Variants in CAST observed in about 807,000 individuals in gnomAD.
CAST encodes MIR583 host.
Under a neutral mutation model 119.6 loss-of-function variants are expected in CAST, and 76 were observed. The observed-to-expected ratio is 0.64, with a 90% CI of 0.53 to 0.77. The LOEUF (loss-of-function observed/expected upper bound fraction) is 0.77, where lower values mean the gene tolerates loss of function less well. CAST is among the 30% of genes least tolerant of loss of function. The pLI, the probability that CAST is intolerant of heterozygous loss-of-function variation, is 0.00. For synonymous variants in CAST, 319 were observed against 331.6 expected (o/e 0.96, Z 0.41); for missense variants, 953 against 946.5 (o/e 1.01, Z -0.09).
chr5:96,128,179 G>A, the CAST span, among the ~76,000 whole-genome samples: 6 of 152,098 alleles, frequency 3.9e-5, no homozygotes, highest in East Asian at 5.8e-4. Context: ...TGTTCCCTTC[G>A]TGTAATTAGA....
intron 1 of CAST, among the ~76,000 whole-genome samples, chr5:96,549,995 G>A (rs1473922297): frequency 1.3e-5 from 2 of 152,202 alleles, no homozygotes; most frequent in African/African-American, 4.8e-5. Flanking sequence ...TGAACAAAAG[G>A]CAGCAGACAA....
intron 2 of CAST, chr5:96,675,827 T>A: frequency 2.4e-6 from 1 of 423,850 alleles, no homozygotes; most frequent in South Asian, 5.4e-5. Flanking sequence ...CCTTTAGTAA[T>A]AGAACTTTGT....
chr5:96,640,841 G>A (rs923364134), intron 1 of CAST, among the ~76,000 whole-genome samples: 1 of 152,202 alleles, frequency 6.6e-6, no homozygotes, highest in African/African-American at 2.4e-5. Context: ...AATCCCCAAA[G>A]GGGGCAGACC....
At chr5:96,740,630 G>T in intron 12 of CAST, 115 bp from the exon 13 acceptor site, 1 of 747,518 alleles carries the variant, frequency 1.3e-6, no homozygotes, top group South Asian at 1.6e-5. Context: ...GTTAAGACTT[G>T]AACATATAGA....
At chr5:96,186,269 G>C in the CAST span, among the ~76,000 whole-genome samples, 8 of 152,116 alleles carry the variant, frequency 5.3e-5, no homozygotes, top group Admixed American at 5.2e-4. Context: ...GGGTTTTCTA[G>C]ATATAGGATC....
At chr5:96,274,356 C>G in the CAST span, among the ~76,000 whole-genome samples, 1 of 151,910 alleles carries the variant, frequency 6.6e-6, no homozygotes, top group African/African-American at 2.4e-5. Context: ...CCCACCCCGG[C>G]CTCCCAAAGT....
chr5:95,983,338 A>G, the CAST span, among the ~76,000 whole-genome samples: 3 of 152,206 alleles, frequency 2.0e-5, no homozygotes, highest in Non-Finnish European at 2.9e-5. Context: ...ACACTTACCT[A>G]TGCATATATT....
chr5:96,366,416 A>G, the CAST span, among the ~76,000 whole-genome samples: 1 of 152,210 alleles, frequency 6.6e-6, no homozygotes, highest in East Asian at 1.9e-4. Flanking sequence ...AATATCCTGC[A>G]GAGTGTTTTC....
intron 6 of CAST, 42 bp downstream of exon 6, chr5:96,727,572 T>G: frequency 7.8e-7 from 1 of 1,284,194 alleles, no homozygotes; most frequent in Non-Finnish European, 1.1e-6. Flanking sequence ...TGGATTCTTT[T>G]TAATAATAAT....
At chr5:96,560,920 C>T (rs890833318) in intron 1 of CAST, among the ~76,000 whole-genome samples, 3 of 152,174 alleles carry the variant, frequency 2.0e-5, no homozygotes, top group Non-Finnish European at 4.4e-5. Flanking sequence ...TATTGTGGCA[C>T]TATTCACTAC....
chr5:96,606,365 T>G (rs1368849909), intron 1 of CAST, among the ~76,000 whole-genome samples: 3 of 152,212 alleles, frequency 2.0e-5, no homozygotes, highest in Non-Finnish European at 4.4e-5. Flanking sequence ...TGTCAGATTT[T>G]TATCTGTATA....
At chr5:96,092,515 C>T in the CAST span, among the ~76,000 whole-genome samples, 3 of 152,270 alleles carry the variant, frequency 2.0e-5, no homozygotes, top group East Asian at 5.8e-4. Flanking sequence ...GTAGCTTCAT[C>T]GTGTAGCTTC....
chr5:96,534,729 GA>G, intron 1 of CAST, among the ~76,000 whole-genome samples: 1 of 8,876 alleles, frequency 1.1e-4, no homozygotes, highest in Non-Finnish European at 2.8e-4. Context: ...GAGAGAGAGA[GA>G]GAGAGAGAGA....
At chr5:96,262,319 T>G in the CAST span, among the ~76,000 whole-genome samples, 3 of 152,164 alleles carry the variant, frequency 2.0e-5, no homozygotes, top group Admixed American at 6.5e-5. Context: ...CTGAAGCCAC[T>G]GCACCGAGGA....
At chr5:96,065,401 C>CTGTG in the CAST span, among the ~76,000 whole-genome samples, 325 of 149,276 alleles carry the variant, frequency 2.2e-3, 1 homozygote, top group Middle Eastern at 3.4e-3. Flanking sequence ...GGTTAATGAT[C>CTGTG]TGTGTGTGTG....
chr5:96,215,621 T>C, the CAST span: 1 of 152,074 alleles, frequency 6.6e-6, no homozygotes, highest in Non-Finnish European at 1.5e-5. Context: ...TATGCCTGTC[T>C]CTCCTACCTC....
At chr5:96,746,565 C>A (rs1382258903) in intron 17 of CAST, 140 bp downstream of exon 17, 4 of 692,122 alleles carry the variant, frequency 5.8e-6, no homozygotes, top group Non-Finnish European at 5.3e-6. Context: ...ACCTTTTTTT[C>A]TCTGCTCCCT....
the CAST span, among the ~76,000 whole-genome samples, chr5:96,102,210 A>G: frequency 1.3e-5 from 2 of 152,154 alleles, no homozygotes; most frequent in African/African-American, 4.8e-5. Flanking sequence ...GAATGAAGTC[A>G]CTTGGAGGAT....
chr5:95,993,204 C>A, the CAST span, among the ~76,000 whole-genome samples: 1 of 152,104 alleles, frequency 6.6e-6, no homozygotes, highest in Non-Finnish European at 1.5e-5. Flanking sequence ...GACACTAGAA[C>A]AATTGAATAT....
Sources: allele counts gnomAD v4.1 joint callset (sites outside exome capture counted in the v4.1 genomes callset), GRCh38; gene constraint gnomAD v4.1.1; transcripts MANE v1.5; gene names NCBI Gene and HGNC (gene_info 2026-07-23, HGNC 2026-07-21).